ADCY2: variants seen among roughly 807,000 people sequenced by gnomAD.
ADCY2 encodes the protein adenylate cyclase 2, also known as adenylate cyclase type 2.
ADCY2 carries 31 observed loss-of-function variants against 125.2 expected under a neutral mutation model. The ratio of observed to expected loss-of-function variants is 0.25; its 90% confidence interval spans 0.19 to 0.33. The LOEUF (loss-of-function observed/expected upper bound fraction) is 0.33. Among genes scored for constraint, ADCY2 ranks in the 10% least tolerant of loss-of-function variants. The pLI, the probability that ADCY2 is intolerant of heterozygous loss-of-function variation, is 1.00. For missense variants in ADCY2, 904 were observed against 1,418.2 expected (o/e 0.64, Z 5.82); for synonymous variants, 512 against 548.4 (o/e 0.93, Z 0.93).
At chr5:7,666,638 C>T (rs1739766607) in intron 4 of ADCY2, among the ~76,000 whole-genome samples, 1 of 152,212 alleles carries the variant, frequency 6.6e-6, no homozygotes, top group Admixed American at 6.5e-5. Flanking sequence ...GATTGCACAG[C>T]TGTGTATAAT....
At chr5:7,467,187 C>G (rs998753374) in intron 2 of ADCY2, among the ~76,000 whole-genome samples, 1 of 152,170 alleles carries the variant, frequency 6.6e-6, no homozygotes, top group African/African-American at 2.4e-5. Flanking sequence ...GGCTTCGAAC[C>G]TGTGCTCTTA....
chr5:7,710,189 A>G (rs1217851104), intron 10 of ADCY2, among the ~76,000 whole-genome samples: 1 of 152,192 alleles, frequency 6.6e-6, no homozygotes, highest in Non-Finnish European at 1.5e-5. Context: ...CCAAGGTCTC[A>G]AAGTGACACT....
At chr5:7,619,054 G>A (rs914235104) in intron 3 of ADCY2, among the ~76,000 whole-genome samples, 15 of 152,088 alleles carry the variant, frequency 9.9e-5, no homozygotes, top group African/African-American at 2.7e-4. Context: ...TCTGAAATAC[G>A]CAGGTCAAAC....
chr5:7,743,481 G>T (rs1217788585), intron 14 of ADCY2, among the ~76,000 whole-genome samples, 187 bp from the exon 15 acceptor site: 1 of 152,174 alleles, frequency 6.6e-6, no homozygotes, highest in Non-Finnish European at 1.5e-5. Context: ...ATTGGCCATC[G>T]CTGTGTGGAC....
rs568445702 is a variant in ADCY2 at position 7,625,927 on chromosome 5, A to T, written c.571-240A>T. ...AAAGCAGATCTCATGGCTAAGCCCA[A>T]AGTCAAGGGAGGGACTGCAAAGTCA... On this transcript the variant is annotated intron_variant, in intron 3 of 24. Coordinates refer to ENST00000338316, the MANE Select transcript of ADCY2 (RefSeq NM_020546.3). Among the ~76,000 whole-genome samples the T allele has an allele frequency of 8.5e-5, 13 of 152,358 alleles. No homozygotes were observed. The South Asian group carries it at 2.7e-3, about 32-fold the overall frequency.
chr5:7,423,556 G>T (rs577066960), intron 2 of ADCY2, among the ~76,000 whole-genome samples: 1 of 152,146 alleles, frequency 6.6e-6, no homozygotes, highest in African/African-American at 2.4e-5. Flanking sequence ...CATGTAAGAC[G>T]TGACTTTGCT....
chr5:7,470,170 C>G (rs984840884), intron 2 of ADCY2, among the ~76,000 whole-genome samples: 11 of 151,534 alleles, frequency 7.3e-5, no homozygotes, highest in African/African-American at 2.4e-4. Flanking sequence ...ATTGGTTTGC[C>G]TAGATCTTAG....
At position 7,626,454 on chromosome 5, in the gene ADCY2, G is replaced by A. The variant is rs564002957; in HGVS notation, c.720+138G>A. The A allele has an allele frequency of 4.6e-5, 46 of 990,900 alleles. No individual in the cohort carries two copies. In the East Asian group the frequency reaches 1.1e-3, roughly 24 times the overall value. 61.4% of individuals were successfully genotyped at this position (990,900 alleles called of 1,614,324 possible). Reference sequence around the variant, plus strand: ...AAGAAACCCTGGGCTCTGCACCTGGGGAGTGTCTTAGTCTGCTTAGTGCTG... The same window carrying A: ...AAGAAACCCTGGGCTCTGCACCTGGAGAGTGTCTTAGTCTGCTTAGTGCTG... On this transcript the variant is annotated intron_variant, in intron 4 of 24. Transcript: ENST00000338316.
At chr5:7,725,726 G>A (rs1267902343) in intron 13 of ADCY2, among the ~76,000 whole-genome samples, 1 of 152,174 alleles carries the variant, frequency 6.6e-6, no homozygotes, top group East Asian at 1.9e-4. Context: ...GCCTGAAGAA[G>A]TTAAAAGATA....
At chr5:7,711,159 T>C (rs998007783) in intron 10 of ADCY2, among the ~76,000 whole-genome samples, 2 of 152,092 alleles carry the variant, frequency 1.3e-5, no homozygotes. Flanking sequence ...CGTGATCAGG[T>C]TGTAGATGAC....
In ADCY2 at chr5:7,429,183, G is replaced by C. The variant is rs995170279; in HGVS notation, c.408+14413G>C. Among the ~76,000 whole-genome samples, 8 of 152,310 alleles carry C rather than the reference G, an allele frequency of 5.3e-5. 1 individual carries two copies. The highest frequency in any genetic ancestry group is 1.2e-4 in the Non-Finnish European group (8 of 68,026). ...TCTGGTACTCGCACAGGCCCTGAAA[G>C]AGCAGGTACAGTGAGAAGGGGACAT... On this transcript the variant is annotated intron_variant, in intron 2 of 24. Coordinates refer to ENST00000338316, the MANE Select transcript of ADCY2 (RefSeq NM_020546.3).
At chr5:7,667,276 A>C (rs1384317945) in intron 4 of ADCY2, among the ~76,000 whole-genome samples, 3 of 152,136 alleles carry the variant, frequency 2.0e-5, no homozygotes, top group Non-Finnish European at 4.4e-5. Flanking sequence ...GGAAAGCTTC[A>C]TGTTCTTTCT....
chr5:7,765,311 A>G (rs1743344347), intron 16 of ADCY2, among the ~76,000 whole-genome samples: 2 of 152,200 alleles, frequency 1.3e-5, no homozygotes. Context: ...TTTTTGGTCT[A>G]TCAAATCTAA....
chr5:7,478,974 T>A (rs149874024), intron 2 of ADCY2, among the ~76,000 whole-genome samples: 2,080 of 152,286 alleles, frequency 0.014, 60 homozygotes, highest in African/African-American at 0.048. Context: ...TCTTATAGAA[T>A]TAAATATTTA....
At chr5:7,600,899 G>A (rs1001620790) in intron 3 of ADCY2, among the ~76,000 whole-genome samples, 1 of 152,166 alleles carries the variant, frequency 6.6e-6, no homozygotes, top group Non-Finnish European at 1.5e-5. Context: ...ATAAGGAATT[G>A]GAGATTTCTG....
At chr5:7,790,470 T>C (rs1234641398) in intron 20 of ADCY2, among the ~76,000 whole-genome samples, 1 of 152,242 alleles carries the variant, frequency 6.6e-6, no homozygotes, top group Admixed American at 6.5e-5. Context: ...GAAGAGATGT[T>C]GTGAGATGTC....
At chr5:7,606,733 T>C (rs551279679) in intron 3 of ADCY2, among the ~76,000 whole-genome samples, 1 of 152,348 alleles carries the variant, frequency 6.6e-6, no homozygotes, top group East Asian at 1.9e-4. Flanking sequence ...TTGATGCTTG[T>C]TATTTTTCGT....
At chr5:7,758,534 A>T (rs1579399910) in intron 16 of ADCY2, among the ~76,000 whole-genome samples, 1 of 152,362 alleles carries the variant, frequency 6.6e-6, no homozygotes, top group East Asian at 1.9e-4. Context: ...TTTATAAAGT[A>T]GAAAGCATTC....
intron 1 of ADCY2, among the ~76,000 whole-genome samples, chr5:7,410,878 G>A (rs1402104357): frequency 6.6e-6 from 1 of 152,078 alleles, no homozygotes; most frequent in Non-Finnish European, 1.5e-5. Flanking sequence ...TCAATCAGAA[G>A]AACATGGCCT....
Sources: allele counts gnomAD v4.1 joint callset (sites outside exome capture counted in the v4.1 genomes callset), GRCh38; gene constraint gnomAD v4.1.1; transcripts MANE v1.5; gene names NCBI Gene and HGNC (gene_info 2026-07-23, HGNC 2026-07-21).